ARHGAP35: variants seen among roughly 807,000 people sequenced by gnomAD.
ARHGAP35 encodes the protein rho GTPase-activating protein 35.
A neutral mutation model predicts 111.1 loss-of-function variants in ARHGAP35; 15 were observed. The observed-to-expected ratio is 0.13, with a 90% CI of 0.09 to 0.21. The LOEUF (loss-of-function observed/expected upper bound fraction) is 0.21, where lower values mean the gene tolerates loss of function less well. Ranked by LOEUF, ARHGAP35 falls within the 10% of genes least tolerant of loss-of-function variation. The pLI, the probability that ARHGAP35 is intolerant of heterozygous loss-of-function variation, is 1.00. For synonymous variants in ARHGAP35, 643 were observed against 710.3 expected, an observed-to-expected ratio of 0.91 and a Z score of 1.51; for missense variants, 1,262 against 1,873.0, an observed-to-expected ratio of 0.67 and a Z score of 6.02.
In ARHGAP35 at chr19:46,921,401, A is replaced by G; in HGVS notation, c.2726A>G (p.Glu909Gly). Residue 909 changes from glutamate (E) to glycine (G), a missense_variant, in exon 2 of 7, where the codon GAG becomes GGG. Glu to Gly is a moderately conservative substitution (Grantham distance 98, BLOSUM62 -2). Transcript: ENST00000672722. The surrounding 1 kb of genome is among the most constrained non-coding windows in gnomAD (Gnocchi z 4.3). ...DLSREQLTEG[E>G]EIAQEIDGRF... ...AGTAGGGAACAGCTAACTGAGGGGG[A>G]GGAGATTGCTCAAGAAATTGACGGA... The G allele has an allele frequency of 6.2e-7, 1 of 1,613,938 alleles. No individual in the cohort carries two copies. Among genetic ancestry groups the G allele is most frequent in the Middle Eastern group, 1.6e-4 (1 of 6,062 alleles).
At chr19:46,929,591 C>CTTTTT (rs55818906) in intron 2 of ARHGAP35, among the ~76,000 whole-genome samples, 12 of 93,056 alleles carry the variant, frequency 1.3e-4, no homozygotes, top group African/African-American at 4.7e-4. Flanking sequence ...ACCTGTTACT[C>CTTTTT]TTTTTTTTTT....
chr19:46,954,725 A>G (rs2056429774), intron 3 of ARHGAP35, among the ~76,000 whole-genome samples: 1 of 152,260 alleles, frequency 6.6e-6, no homozygotes, highest in African/African-American at 2.4e-5. Context: ...AAAACAAACA[A>G]ACTCACACAA....
At chr19:46,978,719 A>G (rs1171124897) in intron 3 of ARHGAP35, among the ~76,000 whole-genome samples, 174 of 11,164 alleles carry the variant, frequency 0.016, no homozygotes, top group African/African-American at 0.054. Flanking sequence ...GTGTGGTGGG[A>G]TGTGTGTGTG....
At chr19:46,981,201 A>G (rs1411999338) in intron 3 of ARHGAP35, among the ~76,000 whole-genome samples, 1 of 152,234 alleles carries the variant, frequency 6.6e-6, no homozygotes, top group African/African-American at 2.4e-5. Context: ...CCGGCCTTGC[A>G]GTTTAGCCTG....
At chr19:46,973,982 C>T (rs2056566786) in intron 3 of ARHGAP35, among the ~76,000 whole-genome samples, 2 of 151,632 alleles carry the variant, frequency 1.3e-5, no homozygotes, top group Admixed American at 6.6e-5. Context: ...GGTGACAGAG[C>T]GAGACTCCAT....
intron 2 of ARHGAP35, among the ~76,000 whole-genome samples, chr19:46,933,167 A>T (rs1179672847): frequency 8.0e-6 from 1 of 125,602 alleles, no homozygotes; most frequent in African/African-American, 3.1e-5. Flanking sequence ...TTTCCGAGAC[A>T]GGGTCTCCTG....
chr19:46,871,673 A>G (rs970493595), intron 1 of ARHGAP35, among the ~76,000 whole-genome samples: 5 of 151,628 alleles, frequency 3.3e-5, no homozygotes, highest in African/African-American at 4.8e-5. Flanking sequence ...ACAATCCTTG[A>G]TCTACTTATA....
intron 2 of ARHGAP35, among the ~76,000 whole-genome samples, chr19:46,924,394 G>T (rs528587805): frequency 6.6e-6 from 1 of 152,256 alleles, no homozygotes; most frequent in East Asian, 1.9e-4. Flanking sequence ...CTGCATTACC[G>T]CTGACCAGGA....
rs2056667298 is a variant in ARHGAP35, at chr19:46,989,300, C to T, written c.3905-244C>T. 1 of 427,888 alleles carries T rather than the reference C, an allele frequency of 2.3e-6. No homozygotes were observed. The highest frequency in any genetic ancestry group is 4.2e-5 in the East Asian group (1 of 23,710). The allele number at this position is 427,888 out of a possible 1,614,324, so 26.5% of individuals were successfully genotyped here. A position where few individuals can be genotyped will look rare whatever the true frequency, so the allele number is the denominator to read the frequency against. ...CAAAAACCAGCATGTGGGGGTAGCA[C>T]CCCTGCCCCGAGAGTGGTAGAAGGG... On this transcript the variant is annotated intron_variant, in intron 4 of 6. Coordinates refer to ENST00000672722, the MANE Select transcript of ARHGAP35 (RefSeq NM_004491.5). This position sits in a 1 kb window ranked among gnomAD's most constrained non-coding sequence, Gnocchi z 5.3.
intron 3 of ARHGAP35, among the ~76,000 whole-genome samples, chr19:46,987,129 C>T (rs570370682): frequency 1.3e-5 from 2 of 151,840 alleles, no homozygotes; most frequent in Middle Eastern, 6.8e-3. Context: ...GCTGGGATTA[C>T]AGGCGTGAGC....
At chr19:46,868,555 C>T (rs928370796) in intron 1 of ARHGAP35, among the ~76,000 whole-genome samples, 1 of 152,156 alleles carries the variant, frequency 6.6e-6, no homozygotes, top group African/African-American at 2.4e-5. Flanking sequence ...TACCAGCTTG[C>T]CTTTTTAGCC....
At chr19:46,939,139 C>G (rs2056329390) in intron 3 of ARHGAP35, among the ~76,000 whole-genome samples, 3 of 148,988 alleles carry the variant, frequency 2.0e-5, no homozygotes, top group Non-Finnish European at 4.5e-5. Context: ...CATTGTCCAT[C>G]TTTTTTTTTT....
At chr19:46,911,629 C>T (rs1261102648) in intron 1 of ARHGAP35, among the ~76,000 whole-genome samples, 1 of 152,132 alleles carries the variant, frequency 6.6e-6, no homozygotes, top group Non-Finnish European at 1.5e-5. Flanking sequence ...TGATGGAATC[C>T]TTCTGTAAGA....
At chr19:46,887,950 T>G (rs2056000530) in intron 1 of ARHGAP35, among the ~76,000 whole-genome samples, 1 of 151,012 alleles carries the variant, frequency 6.6e-6, no homozygotes, top group Admixed American at 6.6e-5. Flanking sequence ...CTTAGTACTT[T>G]GCCTTTTTTT....
At chr19:46,900,569 T>C (rs1249702884) in intron 1 of ARHGAP35, among the ~76,000 whole-genome samples, 3 of 152,186 alleles carry the variant, frequency 2.0e-5, no homozygotes, top group Non-Finnish European at 4.4e-5. Context: ...AGGGCCTTGA[T>C]AACTTGAGGT....
rs764864657 is a variant in ARHGAP35 at position 46,920,182 on chromosome 19, T to C, written c.1507T>C (p.Phe503Leu). 4 of 1,613,936 alleles carry C rather than the reference T, an allele frequency of 2.5e-6. No individual in the cohort carries two copies. The East Asian group carries it at 8.9e-5, about 36-fold the overall frequency. ...GTTGCTTTTGGAATATTCAGAATTG[T>C]TTTATGAACTGGAGCTGGATGCTAA... The part of the protein sequence containing the change: ...QELLLEYSEL[F>L]YELELDAKPS... The change falls in exon 2 of 7, where the codon TTT becomes CTT. Residue 503 changes from phenylalanine to leucine, a missense_variant. This residue lies in a region of ARHGAP35 where 328 missense variants were observed against 440.8 expected (regional missense o/e 0.74). Transcript: ENST00000672722. This position sits in a 1 kb window ranked among gnomAD's most constrained non-coding sequence, Gnocchi z 7.0.
At chr19:46,933,374 C>T (rs1162065731) in intron 2 of ARHGAP35, among the ~76,000 whole-genome samples, 1 of 151,984 alleles carries the variant, frequency 6.6e-6, no homozygotes, top group Non-Finnish European at 1.5e-5. Flanking sequence ...GTCTCAAACT[C>T]TGGCCTCAAG....
chr19:46,874,510 T>TC (rs2055905351), intron 1 of ARHGAP35, among the ~76,000 whole-genome samples: 1 of 147,554 alleles, frequency 6.8e-6, no homozygotes, highest in African/African-American at 2.5e-5. Context: ...TCTTTTTTTT[T>TC]TTTTTTTTTT....
chr19:46,963,215 AG>A (rs1568481158), intron 3 of ARHGAP35, among the ~76,000 whole-genome samples: 1 of 152,094 alleles, frequency 6.6e-6, no homozygotes, highest in African/African-American at 2.4e-5. Context: ...TATGTGACTC[AG>A]GGCATAGTAT....
Sources: allele counts gnomAD v4.1 joint callset (sites outside exome capture counted in the v4.1 genomes callset), GRCh38; gene constraint gnomAD v4.1.1; regional missense constraint gnomAD v4.1.1; non-coding constraint Gnocchi (gnomAD v3.1); transcripts MANE v1.5; gene names NCBI Gene and HGNC (gene_info 2026-07-23, HGNC 2026-07-21).